Variants in ARHGAP24 observed in about 807,000 individuals in gnomAD.
ARHGAP24 encodes Rho GTPase activating protein 24, also known as rho GTPase-activating protein 24.
Under a neutral mutation model 76.4 loss-of-function variants are expected in ARHGAP24, and 50 were observed. That is an observed-to-expected ratio of 0.65 (90% confidence interval 0.52 to 0.83). The LOEUF (loss-of-function observed/expected upper bound fraction) is 0.83. ARHGAP24 is among the 40% of genes least tolerant of loss of function. The probability of loss-of-function intolerance (pLI) is 0.00; values close to 1 mark genes in which losing one functional copy is unlikely to be tolerated. For missense variants in ARHGAP24, 930 were observed against 914.2 expected (o/e 1.02, Z -0.22); for synonymous variants, 345 against 323.3 (o/e 1.07, Z -0.72).
chr4:85,667,608 G>A (rs1429205162), intron 2 of ARHGAP24, among the ~76,000 whole-genome samples: 1 of 152,200 alleles, frequency 6.6e-6, no homozygotes, highest in East Asian at 1.9e-4. Context: ...GCTGGGAGCT[G>A]TAGACCGGAG....
intron 2 of ARHGAP24, among the ~76,000 whole-genome samples, chr4:85,633,156 A>C (rs1259448550): frequency 6.6e-6 from 1 of 151,798 alleles, no homozygotes; most frequent in East Asian, 1.9e-4. Context: ...AGTTCATCTG[A>C]ATGGCTATGT....
At chr4:85,732,254 A>G (rs1725437075) in intron 3 of ARHGAP24, among the ~76,000 whole-genome samples, 1 of 152,034 alleles carries the variant, frequency 6.6e-6, no homozygotes, top group Non-Finnish European at 1.5e-5. Flanking sequence ...CTTGATGGCC[A>G]GTGGAGAGAA....
At position 85,480,343 on chromosome 4, in the gene ARHGAP24, C is replaced by T. The variant is rs557920569; in HGVS notation, c.-21+4784C>T. Among the ~76,000 whole-genome samples, 283 of 152,142 alleles carry T rather than the reference C, an allele frequency of 1.9e-3. 1 individual carries two copies. Among genetic ancestry groups the T allele is most frequent in the African/African-American group, 6.6e-3 (275 of 41,496 alleles). ...TGGGTTTTTTTGGTTAGAAAAAAGA[C>T]AGGCTAAAAATTCACCATGCTTCTC... On this transcript the variant is annotated intron_variant, in intron 1 of 9. Coordinates refer to ENST00000395184, the MANE Select transcript of ARHGAP24 (RefSeq NM_001025616.3).
intron 2 of ARHGAP24, among the ~76,000 whole-genome samples, chr4:85,618,425 T>C (rs550234093): frequency 1.3e-5 from 2 of 152,306 alleles, no homozygotes; most frequent in East Asian, 3.9e-4. Flanking sequence ...CTATTGTGAA[T>C]AATGCTGCTG....
At chr4:85,975,189 A>G (rs1308420081) in intron 7 of ARHGAP24, among the ~76,000 whole-genome samples, 1 of 152,162 alleles carries the variant, frequency 6.6e-6, no homozygotes, top group Non-Finnish European at 1.5e-5. Flanking sequence ...CACACTAAAG[A>G]TAGGTTGTTT....
rs183908860 is a variant in ARHGAP24, at chr4:85,597,883, G to A, written c.180+27162G>A. Among the ~76,000 whole-genome samples, 20 of 152,180 alleles carry A rather than the reference G, an allele frequency of 1.3e-4. No individual in the cohort carries two copies. In the East Asian group the frequency reaches 1.5e-3, roughly 12 times the overall value. On this transcript the variant is annotated intron_variant, in intron 2 of 9. Coordinates refer to ENST00000395184, the MANE Select transcript of ARHGAP24 (RefSeq NM_001025616.3). ...TCAGATGTAACAGATGAAATTAAAC[G>A]AGCAAATTTCCCAGTTAAAATATCA...
chr4:85,998,140 A>C (rs1281982445), intron 9 of ARHGAP24, among the ~76,000 whole-genome samples: 1 of 152,172 alleles, frequency 6.6e-6, no homozygotes, highest in Non-Finnish European at 1.5e-5. Context: ...CATTTTTATC[A>C]GCTATATCAA....
At chr4:85,528,620 G>C (rs1260203179) in intron 1 of ARHGAP24, among the ~76,000 whole-genome samples, 1 of 151,894 alleles carries the variant, frequency 6.6e-6, no homozygotes, top group African/African-American at 2.4e-5. Context: ...TAATTTATTG[G>C]GTTGACATGA....
intron 3 of ARHGAP24, among the ~76,000 whole-genome samples, chr4:85,881,596 C>A (rs569094793): frequency 6.6e-6 from 1 of 151,510 alleles, no homozygotes. Context: ...TGCAAGTTAG[C>A]GATGCTTGTC....
chr4:85,683,130 C>T (rs1273094066), intron 2 of ARHGAP24, among the ~76,000 whole-genome samples: 17 of 74,512 alleles, frequency 2.3e-4, no homozygotes, highest in Admixed American at 1.5e-3. Flanking sequence ...GGGGGGGGTG[C>T]GGGGGCTGTA....
At chr4:85,916,180 C>CT (rs1251694699) in intron 3 of ARHGAP24, among the ~76,000 whole-genome samples, 1 of 152,134 alleles carries the variant, frequency 6.6e-6, no homozygotes, top group Non-Finnish European at 1.5e-5. Context: ...TGATGATGAG[C>CT]TTTTTTTCAT....
chr4:85,966,802 C>T (rs974827171), intron 5 of ARHGAP24, among the ~76,000 whole-genome samples: 3 of 152,058 alleles, frequency 2.0e-5, no homozygotes, highest in African/African-American at 7.2e-5. Context: ...AGTTTTAGGT[C>T]ATCTCATTGT....
chr4:85,810,406 C>T (rs1277943449), intron 3 of ARHGAP24, among the ~76,000 whole-genome samples: 1 of 152,138 alleles, frequency 6.6e-6, no homozygotes, highest in Non-Finnish European at 1.5e-5. Context: ...TATGCATCAA[C>T]GTGCTTCATA....
Position 85,994,992 on chromosome 4 carries a change from TG to T in ARHGAP24, c.1339del (p.Glu447ArgfsTer19). 2 of 1,613,950 alleles carry T rather than the reference TG, an allele frequency of 1.2e-6. No individual in the cohort carries two copies. Among genetic ancestry groups the T allele is most frequent in the Non-Finnish European group, 1.7e-6 (2 of 1,179,972 alleles). ...TCAGCAGCAGTAATGCAGAAGGTCT[TG>T]AGAAAACCCAAACCACCCCCAATGG... ...SFSSSNAEGL[E>X]KTQTTPNGSL... On this transcript the variant is annotated frameshift_variant, in exon 9 of 10. Coordinates refer to ENST00000395184, the MANE Select transcript of ARHGAP24 (RefSeq NM_001025616.3). LOFTEE classifies it high-confidence loss of function.
Position 85,994,853 on chromosome 4 carries a change from C to A in ARHGAP24, c.1199C>A (p.Thr400Asn), listed in dbSNP as rs1283015218. The change falls in exon 9 of 10, where the codon ACC becomes AAC. Residue 400 changes from threonine (T) to asparagine (N), a missense_variant. Transcript: ENST00000395184. ...CCCACAGCTCTATCAGGCAGCAAAA[C>A]CAACAGCCCAAAGAACAGTGTTCAC... is the stretch of plus-strand genomic sequence containing the variant. ...GSPTALSGSK[T>N]NSPKNSVHKL... 5 of 1,614,006 alleles carry A rather than the reference C, an allele frequency of 3.1e-6. No individual in the cohort carries two copies. In the South Asian group the frequency reaches 3.3e-5, roughly 11 times the overall value.
intron 3 of ARHGAP24, among the ~76,000 whole-genome samples, chr4:85,766,666 TC>T (rs1726942244): frequency 6.6e-6 from 1 of 151,968 alleles, no homozygotes; most frequent in Non-Finnish European, 1.5e-5. Flanking sequence ...AGATGAAAAA[TC>T]TGCTGAGGTG....
At chr4:85,814,294 A>G (rs1729143232) in intron 3 of ARHGAP24, among the ~76,000 whole-genome samples, 1 of 152,152 alleles carries the variant, frequency 6.6e-6, no homozygotes, top group Non-Finnish European at 1.5e-5. Context: ...AAAGTCCCCC[A>G]AAGTCTTAAC....
chr4:85,930,923 C>T (rs747046740), intron 4 of ARHGAP24: 2 of 1,613,804 alleles, frequency 1.2e-6, no homozygotes, highest in South Asian at 1.1e-5. Context: ...GAACTTCAGG[C>T]CTGTACGATG....
intron 3 of ARHGAP24, among the ~76,000 whole-genome samples, chr4:85,802,334 T>C (rs1303149737): frequency 6.6e-6 from 1 of 152,226 alleles, no homozygotes; most frequent in East Asian, 1.9e-4. Context: ...CACTGCCTAC[T>C]TCTGTTTTAA....
Sources: allele counts gnomAD v4.1 joint callset (sites outside exome capture counted in the v4.1 genomes callset), GRCh38; gene constraint gnomAD v4.1.1; transcripts MANE v1.5; gene names NCBI Gene and HGNC (gene_info 2026-07-23, HGNC 2026-07-21).